STARD8: variants seen among roughly 807,000 people sequenced by gnomAD.
STARD8 encodes the protein StAR related lipid transfer domain containing 8.
In STARD8, 25 loss-of-function variants were observed where a neutral mutation model predicts 69.4. The ratio of observed to expected loss-of-function variants is 0.36; its 90% CI spans 0.26 to 0.50. STARD8 has a LOEUF of 0.50. STARD8 is among the 20% of genes least tolerant of loss of function. STARD8 has a pLI of 0.96. For missense variants in STARD8, 921 were observed against 932.5 expected, an observed-to-expected ratio of 0.99 and a Z score of 0.16; for synonymous variants, 389 against 374.6, an observed-to-expected ratio of 1.04 and a Z score of -0.45.
intron 1 of STARD8, 139 bp from the exon 2 acceptor site, chrX:68,665,360 T>C: frequency 2.9e-6 from 2 of 700,031 alleles, no homozygotes; most frequent in South Asian, 2.6e-5. Context: ...CCTTACTTCA[T>C]TTTCCTTTTC....
At chrX:68,724,202 C>T in intron 14 of STARD8, 81 bp downstream of exon 14, 2 of 1,166,817 alleles carry the variant, frequency 1.7e-6, no homozygotes, top group Non-Finnish European at 1.2e-6. Flanking sequence ...CTGCCCCATG[C>T]TATTGATCCC....
rs891936293 is a variant in STARD8, at chrX:68,690,438, G to C, written c.80-22476G>C. ...CTCCCATTCCCAGGCAGGCAGGGCG[G>C]GGGGACTGTTGGGAGTCCTCAGGTA... On this transcript the variant is annotated intron_variant, in intron 2 of 14. Transcript: ENST00000374599. Among the ~76,000 whole-genome samples, 6 of 110,331 alleles carry C rather than the reference G, an allele frequency of 5.4e-5. No homozygotes were observed. The East Asian group carries it at 8.6e-4, about 16-fold the overall frequency.
chrX:68,663,200 C>T (rs2079662189), intron 1 of STARD8, among the ~76,000 whole-genome samples: 1 of 112,027 alleles, frequency 8.9e-6, no homozygotes, highest in Non-Finnish European at 1.9e-5. Flanking sequence ...ATGCTATCTT[C>T]CCCTGTAAGT....
intron 2 of STARD8, among the ~76,000 whole-genome samples, chrX:68,687,172 C>G (rs1157387446): frequency 9.1e-6 from 1 of 109,929 alleles, no homozygotes; most frequent in African/African-American, 3.3e-5. Flanking sequence ...CCTATCACTC[C>G]AAGGGCCTCT....
At chrX:68,698,187 A>G (rs16990709) in intron 2 of STARD8, among the ~76,000 whole-genome samples, 4,246 of 111,232 alleles carry the variant, frequency 0.038, 210 homozygotes, top group African/African-American at 0.13. Flanking sequence ...TATTCACACC[A>G]TTTGAAGGAC....
chrX:68,721,511 C>T (rs761362042), intron 9 of STARD8, 25 bp from the exon 10 acceptor site: 2 of 1,200,322 alleles, frequency 1.7e-6, no homozygotes, highest in Non-Finnish European at 2.3e-6. Context: ...GTAAGGAAGG[C>T]TCTTCTTCCA....
intron 2 of STARD8, among the ~76,000 whole-genome samples, chrX:68,700,129 T>C (rs1257618697): frequency 8.9e-6 from 1 of 111,939 alleles, no homozygotes; most frequent in Non-Finnish European, 1.9e-5. Context: ...ATGCCCACAG[T>C]GGGGCCTAGA....
intron 2 of STARD8, among the ~76,000 whole-genome samples, chrX:68,682,014 T>C (rs189533568): frequency 9.2e-6 from 1 of 108,945 alleles, no homozygotes; most frequent in Non-Finnish European, 1.9e-5. Flanking sequence ...TTTTTTTTTT[T>C]TTCAGACAGA....
intron 2 of STARD8, among the ~76,000 whole-genome samples, chrX:68,671,312 C>T (rs2079726955): frequency 8.9e-6 from 1 of 112,514 alleles, no homozygotes; most frequent in Admixed American, 9.4e-5. Flanking sequence ...CCTTCTTGGC[C>T]TGTCAAGCCA....
At chrX:68,688,351 G>A (rs1281770685) in intron 2 of STARD8, among the ~76,000 whole-genome samples, 1 of 111,150 alleles carries the variant, frequency 9.0e-6, no homozygotes, top group Non-Finnish European at 1.9e-5. Context: ...ACATTGTCAA[G>A]CCCTAGAGAC....
intron 2 of STARD8, among the ~76,000 whole-genome samples, chrX:68,695,501 C>T (rs913357376): frequency 1.8e-5 from 2 of 111,463 alleles, no homozygotes; most frequent in Non-Finnish European, 3.8e-5. Context: ...TATGCTAAAC[C>T]TCTCTGTGCA....
intron 2 of STARD8, among the ~76,000 whole-genome samples, chrX:68,668,986 T>G (rs1176209020): frequency 1.8e-5 from 2 of 111,362 alleles, no homozygotes; most frequent in Non-Finnish European, 3.8e-5. Context: ...TATGCCAACA[T>G]ATATATCAAA....
Position 68,722,430 on chromosome X carries a change from G to A in STARD8, c.2583G>A (p.Gln861=). 8.3e-7 allele frequency: 1 copy of A among 1,199,491 alleles called. No homozygotes were observed. The highest frequency in any genetic ancestry group is 1.1e-6 in the Non-Finnish European group (1 of 889,840). ...TGTGTGTGCCCTCTCAGGTGCCCCA[G>A]GACATGGTGCTGCAGCTGTGCAGCT... ...SDCKKLFQVP[Q]DMVLQLCSSY... Residue 861 remains glutamine, a synonymous_variant, in exon 12 of 15, where the codon CAG becomes CAA. Coordinates refer to ENST00000374599, the MANE Select transcript of STARD8 (RefSeq NM_001142503.3).
chrX:68,699,762 C>A (rs1467396589), intron 2 of STARD8, among the ~76,000 whole-genome samples: 2 of 112,059 alleles, frequency 1.8e-5, no homozygotes, highest in African/African-American at 6.5e-5. Flanking sequence ...TGAACTTGTT[C>A]AGATGACTTT....
intron 2 of STARD8, among the ~76,000 whole-genome samples, chrX:68,684,267 A>G (rs1306048128): frequency 8.9e-6 from 1 of 112,624 alleles, no homozygotes; most frequent in African/African-American, 3.2e-5. Flanking sequence ...GTGGGAATAA[A>G]TAACCTCGAA....
At chrX:68,667,707 T>G (rs2079692541) in intron 2 of STARD8, among the ~76,000 whole-genome samples, 1 of 110,089 alleles carries the variant, frequency 9.1e-6, no homozygotes, top group African/African-American at 3.3e-5. Flanking sequence ...ACTGCCTGAC[T>G]GGCCTGGGGG....
At position 68,719,276 on chromosome X, in the gene STARD8, A is replaced by AGAGT. The variant is rs1223457096; in HGVS notation, c.1768_1771dup (p.Ser591Ter). ...ACTCCCATCGTCCCAGCCTCAACTC[A>AGAGT]GAGTCGCTGGAGATCAACCGGCAGT... On this transcript the variant is annotated frameshift_variant, in exon 7 of 15. Coordinates refer to ENST00000374599, the MANE Select transcript of STARD8 (RefSeq NM_001142503.3). LOFTEE classifies it high-confidence loss of function. 5 of 1,207,473 alleles carry AGAGT rather than the reference A, an allele frequency of 4.1e-6. No individual in the cohort carries two copies. Among genetic ancestry groups the AGAGT allele is most frequent in the Non-Finnish European group, 5.6e-6 (5 of 893,347 alleles).
At chrX:68,705,088 C>G (rs750745374) in intron 2 of STARD8, among the ~76,000 whole-genome samples, 21 of 112,411 alleles carry the variant, frequency 1.9e-4, no homozygotes, top group African/African-American at 6.8e-4. Flanking sequence ...ATTAAAACAA[C>G]TCTCTCTTTC....
rs186774995 is a variant in STARD8 at position 68,705,603 on chromosome X, T to A, written c.80-7311T>A. On this transcript the variant is annotated intron_variant, in intron 2 of 14. Transcript: ENST00000374599. ...ATTCTTCACTTCAGCCCCCAGGACA[T>A]CCTGGGGGGAGGGTGGGCTGCCCAG... 3.1e-3 allele frequency among the ~76,000 whole-genome samples: 353 copies of A among 112,762 alleles called. 3 individuals carry two copies. The highest frequency in any genetic ancestry group is 0.011 in the African/African-American group (336 of 31,113).
Sources: allele counts gnomAD v4.1 joint callset (sites outside exome capture counted in the v4.1 genomes callset), GRCh38; gene constraint gnomAD v4.1.1; transcripts MANE v1.5; gene names NCBI Gene and HGNC (gene_info 2026-07-23, HGNC 2026-07-21).